Variants in ITFG2 observed in about 807,000 individuals in gnomAD.
The protein encoded by ITFG2 is KICSTOR complex protein ITFG2.
Under a neutral mutation model 54.4 loss-of-function variants are expected in ITFG2, and 36 were observed. That is an observed-to-expected ratio of 0.66 (90% confidence interval 0.51 to 0.87). The LOEUF (loss-of-function observed/expected upper bound fraction) is 0.87. ITFG2 is among the 40% of genes least tolerant of loss of function. ITFG2 has a pLI of 0.00. For missense variants in ITFG2, 524 were observed against 576.7 expected, an observed-to-expected ratio of 0.91 and a Z score of 0.94; for synonymous variants, 211 against 225.4, an observed-to-expected ratio of 0.94 and a Z score of 0.57.
intron 2 of ITFG2, among the ~76,000 whole-genome samples, chr12:2,848,879 A>ACG (rs1446876637): frequency 1.8e-5 from 2 of 109,832 alleles, no homozygotes; most frequent in African/African-American, 3.5e-5. Context: ...ACACACACGC[A>ACG]CACACACACA....
At chr12:2,836,553 T>A (rs1482130783), upstream of ITFG2, among the ~76,000 whole-genome samples, 1 of 152,214 alleles carries the variant, frequency 6.6e-6, no homozygotes, top group East Asian at 1.9e-4. Context: ...AAATACTGTA[T>A]TCTAATCCCC....
chr12:2,827,266 G>A, downstream of ITFG2: 1 of 1,614,076 alleles, frequency 6.2e-7, no homozygotes, highest in Non-Finnish European at 8.5e-7. The surrounding 1 kb of genome is among the most constrained non-coding windows in gnomAD (Gnocchi z 4.0). Context: ...GGGGCTTTCA[G>A]CCGCAGCACT....
At chr12:2,846,033 C>A (rs575613518) in intron 2 of ITFG2, among the ~76,000 whole-genome samples, 83 of 152,242 alleles carry the variant, frequency 5.5e-4, no homozygotes, top group African/African-American at 1.9e-3. Flanking sequence ...GGTCCCCAGG[C>A]CCGGAAGGTC....
chr12:2,855,199 G>A (rs937279333), intron 2 of ITFG2: 1 of 1,506,996 alleles, frequency 6.6e-7, no homozygotes, highest in African/African-American at 1.4e-5. Context: ...GGTGGGGAAG[G>A]TGGCAGGCAG....
At chr12:2,818,344 A>G (rs780564817) in intron 4 of ITFG2, 67 bp downstream of exon 4, 15 of 1,595,654 alleles carry the variant, frequency 9.4e-6, no homozygotes, top group Admixed American at 3.4e-5. Flanking sequence ...GCATATCCCA[A>G]GGGATTGGGG....
intron 4 of ITFG2, 100 bp from the exon 5 acceptor site, chr12:2,819,986 T>G (rs1603482947): frequency 1.4e-6 from 2 of 1,441,674 alleles, no homozygotes. Flanking sequence ...GCACCGCAGA[T>G]CGGGTGTGAA....
At chr12:2,820,622 G>GGCCCAGGCCCC in intron 5 of ITFG2, 102 bp from the exon 6 acceptor site, 1 of 425,532 alleles carries the variant, frequency 2.3e-6, no homozygotes, top group Non-Finnish European at 4.6e-6. Context: ...CTGCTGCCCT[G>GGCCCAGGCCCC]CCCCTGCCCC....
intron 1 of ITFG2, chr12:2,840,710 C>G (rs537645126): frequency 6.6e-6 from 1 of 151,970 alleles, no homozygotes; most frequent in African/African-American, 2.4e-5. Context: ...GGCGTGAACC[C>G]GGGAGGCGGA....
chr12:2,854,975 T>C (rs865851477), intron 2 of ITFG2: 2 of 1,536,246 alleles, frequency 1.3e-6, no homozygotes. Context: ...AACTTGAGCT[T>C]CTCCACCTCC....
intron 2 of ITFG2, chr12:2,830,665 G>A: frequency 6.3e-7 from 1 of 1,576,668 alleles, no homozygotes; most frequent in Non-Finnish European, 8.6e-7. Flanking sequence ...AGTGAGTGCA[G>A]GCAGGGTTGT....
chr12:2,822,643 A>G (rs533746753), intron 9 of ITFG2, 151 bp from the exon 10 acceptor site: 2 of 687,144 alleles, frequency 2.9e-6, no homozygotes, highest in African/African-American at 3.6e-5. Flanking sequence ...CCTACTTCCT[A>G]GGGTGGCTGT....
intron 2 of ITFG2, chr12:2,854,981 C>T: frequency 6.5e-7 from 1 of 1,536,266 alleles, no homozygotes; most frequent in Non-Finnish European, 8.7e-7. Context: ...AGCTTCTCCA[C>T]CTCCTTCAAC....
downstream of ITFG2, among the ~76,000 whole-genome samples, chr12:2,831,261 G>A (rs561330011): frequency 6.6e-6 from 1 of 151,466 alleles, no homozygotes; most frequent in Non-Finnish European, 1.5e-5. Flanking sequence ...AGATCCCAGG[G>A]TTGATGGTAT....
chr12:2,853,420 C>A (rs966047954), intron 2 of ITFG2, among the ~76,000 whole-genome samples: 2 of 152,012 alleles, frequency 1.3e-5, no homozygotes, highest in South Asian at 2.1e-4. Flanking sequence ...TTACAGGCGC[C>A]TGCCACCACG....
At chr12:2,858,886 A>G in intron 3 of ITFG2, 1 of 1,613,978 alleles carries the variant, frequency 6.2e-7, no homozygotes, top group South Asian at 1.1e-5. Flanking sequence ...ATGAGGTCTA[A>G]GGGTTCTGAA....
Position 2,824,524 on chromosome 12 carries a change from G to T in ITFG2, c.*331G>T. On this transcript the variant is annotated 3_prime_UTR_variant, in exon 12 of 12. Transcript: ENST00000228799. The stretch of plus-strand genomic sequence containing the variant: ...CTGTGTTGAAAACAGAGACTTGTTT[G>T]TGTGGCCCCAACACCCATAAGGAAA... 2.7e-6 allele frequency: 1 copy of T among 368,364 alleles called. No homozygotes were observed. Among genetic ancestry groups the T allele is most frequent in the Admixed American group, 3.9e-5 (1 of 25,782 alleles). 22.8% of individuals were successfully genotyped at this position (368,364 alleles called of 1,614,324 possible). A position where few individuals can be genotyped will look rare whatever the true frequency, so the allele number is the denominator to read the frequency against.
chr12:2,818,498 CAG>C (rs761033725), intron 4 of ITFG2: 1 of 806,936 alleles, frequency 1.2e-6, no homozygotes, highest in Non-Finnish European at 1.9e-6. Context: ...TATGAAGAAA[CAG>C]AAAAGAAACA....
intron 1 of ITFG2, among the ~76,000 whole-genome samples, chr12:2,837,364 G>A (rs1040412897): frequency 2.0e-5 from 3 of 152,194 alleles, no homozygotes; most frequent in Admixed American, 2.0e-4. Flanking sequence ...TGTAGTCCCA[G>A]CTACTCAGGA....
At chr12:2,840,990 G>A (rs2098039690) in exon 2 of ITFG2, 1 of 152,752 alleles carries the variant, frequency 6.5e-6, no homozygotes, top group South Asian at 2.1e-4. Flanking sequence ...ACAGGGAAGA[G>A]TGCAGGTAAG....
Sources: gnomAD v4.1 joint callset for allele counts (sites outside exome capture counted in the v4.1 genomes callset) on GRCh38, gnomAD v4.1.1 for gene constraint, Gnocchi (gnomAD v3.1) non-coding constraint, MANE v1.5 for transcripts, NCBI Gene and HGNC (gene_info 2026-07-23, HGNC 2026-07-21) for gene names.